Variants in ADAM12 observed in about 807,000 individuals in gnomAD.
ADAM12 encodes ADAM metallopeptidase domain 12.
Under a neutral mutation model 106.4 loss-of-function variants are expected in ADAM12, and 70 were observed. The observed-to-expected ratio is 0.66, with a 90% CI of 0.54 to 0.80. ADAM12 has a LOEUF of 0.80. Ranked by LOEUF, ADAM12 falls within the 30% of genes least tolerant of loss-of-function variation. The probability of loss-of-function intolerance (pLI) is 0.00; values close to 1 mark genes in which losing one functional copy is unlikely to be tolerated. For missense variants in ADAM12, 1,010 were observed against 1,171.9 expected, an observed-to-expected ratio of 0.86 and a Z score of 2.02; for synonymous variants, 420 against 433.5, an observed-to-expected ratio of 0.97 and a Z score of 0.39.
At chr10:126,214,281 G>C (rs749890716) in intron 3 of ADAM12, among the ~76,000 whole-genome samples, 4 of 152,186 alleles carry the variant, frequency 2.6e-5, no homozygotes, top group East Asian at 1.9e-4. Flanking sequence ...CATTAGCCAC[G>C]TGAGTTAGTC....
intron 3 of ADAM12, among the ~76,000 whole-genome samples, chr10:126,239,264 T>C (rs577353924): frequency 9.8e-5 from 15 of 152,316 alleles, no homozygotes; most frequent in Non-Finnish European, 1.6e-4. Flanking sequence ...AAAAATTATA[T>C]AGGAAAAAGA....
chr10:126,247,923 GCT>G (rs939006430), intron 3 of ADAM12, among the ~76,000 whole-genome samples: 2 of 152,186 alleles, frequency 1.3e-5, no homozygotes, highest in Non-Finnish European at 2.9e-5. Flanking sequence ...GGAGTAAGAT[GCT>G]CTTTGAATTT....
intron 1 of ADAM12, among the ~76,000 whole-genome samples, chr10:126,347,638 C>T (rs186716194): frequency 6.6e-6 from 1 of 152,266 alleles, no homozygotes; most frequent in Admixed American, 6.5e-5. Flanking sequence ...ATAAAGAAAA[C>T]AAATTTCTTT....
chr10:126,109,715 CAT>C, intron 7 of ADAM12, 58 bp downstream of exon 7: 2 of 1,494,118 alleles, frequency 1.3e-6, no homozygotes, highest in East Asian at 2.3e-5. Context: ...ACTTGCAAAA[CAT>C]GTCCTTTTTT....
chr10:126,384,388 C>T (rs972022111), intron 1 of ADAM12, among the ~76,000 whole-genome samples: 1 of 152,090 alleles, frequency 6.6e-6, no homozygotes, highest in Non-Finnish European at 1.5e-5. Context: ...GGAAAACGTG[C>T]TCCACAGAAA....
chr10:126,321,448 C>T (rs1246094504), intron 2 of ADAM12, among the ~76,000 whole-genome samples: 8 of 152,126 alleles, frequency 5.3e-5, no homozygotes, highest in African/African-American at 1.9e-4. Flanking sequence ...AAGAAACAAG[C>T]GAGTGGGTGG....
intron 6 of ADAM12, among the ~76,000 whole-genome samples, chr10:126,110,903 A>G (rs1275355612): frequency 6.6e-6 from 1 of 152,214 alleles, no homozygotes; most frequent in Non-Finnish European, 1.5e-5. Flanking sequence ...GATGACTGAT[A>G]TTGCTGGTTT....
At chr10:126,298,206 A>G (rs1482526316) in intron 2 of ADAM12, among the ~76,000 whole-genome samples, 1 of 152,174 alleles carries the variant, frequency 6.6e-6, no homozygotes, top group Non-Finnish European at 1.5e-5. Flanking sequence ...CACCGAGAAG[A>G]TAAGACTGAA....
chr10:126,362,642 A>G (rs192495534), intron 1 of ADAM12, among the ~76,000 whole-genome samples: 550 of 152,302 alleles, frequency 3.6e-3, no homozygotes, highest in South Asian at 1.0e-2. Context: ...GTAATTTGCA[A>G]TATGTTTGGA....
At position 126,043,244 on chromosome 10, in the gene ADAM12, A is replaced by G; in HGVS notation, c.1996-96T>C. The G allele has an allele frequency of 3.6e-6, 4 of 1,115,192 alleles. No homozygotes were observed. The Admixed American group carries it at 6.2e-5, about 17-fold the overall frequency. The allele number at this position is 1,115,192 out of a possible 1,614,324, so 69.1% of individuals were successfully genotyped here. ...GGGGCCATGGTCAGAGCCCCCCCCCAACACTGACACAGCCAGACTCAGCAC... is the reference window on the plus strand; with the variant it reads ...GGGGCCATGGTCAGAGCCCCCCCCCGACACTGACACAGCCAGACTCAGCAC... On this transcript the variant is annotated intron_variant, in intron 17 of 22. Coordinates refer to ENST00000448723, the MANE Select transcript of ADAM12 (RefSeq NM_001288973.2). This position sits in a 1 kb window ranked among gnomAD's most constrained non-coding sequence, Gnocchi z 4.1.
At chr10:126,357,181 T>G (rs1855568546) in intron 1 of ADAM12, among the ~76,000 whole-genome samples, 1 of 152,018 alleles carries the variant, frequency 6.6e-6, no homozygotes, top group African/African-American at 2.4e-5. Context: ...CTGTCAAAAC[T>G]TAAAGACAAA....
chr10:126,219,997 A>G (rs1433805868), intron 3 of ADAM12, among the ~76,000 whole-genome samples: 2 of 152,198 alleles, frequency 1.3e-5, no homozygotes, highest in Non-Finnish European at 2.9e-5. Context: ...TGGATTTTGC[A>G]GTGGTCATAA....
intron 3 of ADAM12, among the ~76,000 whole-genome samples, chr10:126,234,244 T>C (rs1284528947): frequency 6.6e-6 from 1 of 152,226 alleles, no homozygotes; most frequent in East Asian, 1.9e-4. Context: ...TCTCTTGGCT[T>C]ACTTGTGCTT....
At chr10:126,295,654 G>A (rs960024525) in intron 2 of ADAM12, among the ~76,000 whole-genome samples, 1 of 151,562 alleles carries the variant, frequency 6.6e-6, no homozygotes, top group Non-Finnish European at 1.5e-5. Flanking sequence ...ACCTGAATAA[G>A]AAAAGTTAAT....
Position 126,324,357 on chromosome 10 carries a change from C to T in ADAM12, c.186+6055G>A, listed in dbSNP as rs181233200. Among the ~76,000 whole-genome samples the T allele has an allele frequency of 7.2e-5, 11 of 152,258 alleles. No homozygotes were observed. In the South Asian group the frequency reaches 1.5e-3, roughly 20 times the overall value. The stretch of plus-strand genomic sequence containing the variant: ...CATAGTGCAAGCATGGTGTAAAGAA[C>T]GTGGCCTATTTAGGCAACTGGCTGC... On this transcript the variant is annotated intron_variant, in intron 2 of 22. Coordinates refer to ENST00000448723, the MANE Select transcript of ADAM12 (RefSeq NM_001288973.2).
intron 16 of ADAM12, among the ~76,000 whole-genome samples, chr10:126,047,736 C>T (rs1049833515): frequency 3.9e-5 from 6 of 152,164 alleles, no homozygotes; most frequent in South Asian, 4.1e-4. Context: ...ACAGTGCAGT[C>T]GTTCCTCAAA....
chr10:126,020,240 G>A lies in ADAM12; in HGVS notation c.2530-415C>T, dbSNP rs556184046. Among the ~76,000 whole-genome samples, 29 of 152,290 alleles carry A rather than the reference G, an allele frequency of 1.9e-4. No individual in the cohort carries two copies. In the South Asian group the frequency reaches 3.7e-3, roughly 20 times the overall value. ...TTGCCAACATCACATAGCAGGACTC[G>A]TTCATCTGTGGGTGGATGAGACGGT... On this transcript the variant is annotated intron_variant, in intron 21 of 22. Transcript: ENST00000448723.
chr10:126,332,911 C>T (rs1391052887), intron 1 of ADAM12, among the ~76,000 whole-genome samples: 3 of 152,176 alleles, frequency 2.0e-5, no homozygotes, highest in African/African-American at 7.2e-5. Context: ...CTATACAGCT[C>T]CTGCAGAGGC....
chr10:126,201,818 T>C (rs532754708), intron 3 of ADAM12, among the ~76,000 whole-genome samples: 95 of 152,194 alleles, frequency 6.2e-4, no homozygotes, highest in Non-Finnish European at 1.1e-3. Flanking sequence ...CTCCCATTGA[T>C]AGAAAGAAAG....
Sources: allele counts gnomAD v4.1 joint callset (sites outside exome capture counted in the v4.1 genomes callset), GRCh38; gene constraint gnomAD v4.1.1; non-coding constraint Gnocchi (gnomAD v3.1); transcripts MANE v1.5; gene names NCBI Gene and HGNC (gene_info 2026-07-23, HGNC 2026-07-21).